Variants in RBKS observed in about 807,000 individuals in gnomAD.
RBKS encodes ribokinase.
A neutral mutation model predicts 33.9 loss-of-function variants in RBKS; 33 were observed. That is an observed-to-expected ratio of 0.97 (90% CI 0.74 to 1.30). The LOEUF (loss-of-function observed/expected upper bound fraction) is 1.30. RBKS is among the 50% of genes most tolerant of loss of function. The probability of loss-of-function intolerance (pLI) is 0.00; values close to 1 mark genes in which losing one functional copy is unlikely to be tolerated. For synonymous variants in RBKS, 125 were observed against 143.0 expected, an observed-to-expected ratio of 0.87 and a Z score of 0.90; for missense variants, 361 against 392.6, an observed-to-expected ratio of 0.92 and a Z score of 0.68.
chr2:27,880,579 A>C (rs948396698), intron 1 of RBKS, among the ~76,000 whole-genome samples: 2 of 152,232 alleles, frequency 1.3e-5, no homozygotes, highest in African/African-American at 4.8e-5. Flanking sequence ...CTCAGGATAC[A>C]AAATCAAGAT....
chr2:27,811,837 T>C (rs1403183376), intron 7 of RBKS, among the ~76,000 whole-genome samples: 1 of 152,044 alleles, frequency 6.6e-6, no homozygotes, highest in East Asian at 1.9e-4. Flanking sequence ...TTAATGGCCA[T>C]GTTTGGACAA....
intron 1 of RBKS, among the ~76,000 whole-genome samples, chr2:27,879,510 C>A (rs1288417252): frequency 1.3e-5 from 2 of 152,096 alleles, no homozygotes; most frequent in Non-Finnish European, 2.9e-5. Flanking sequence ...TTACCTCTCT[C>A]TCTTCCCCTC....
chr2:27,824,711 T>G (rs985464138), intron 7 of RBKS, among the ~76,000 whole-genome samples: 1 of 152,248 alleles, frequency 6.6e-6, no homozygotes, highest in Non-Finnish European at 1.5e-5. Flanking sequence ...TGGACACATG[T>G]AAGGCTTAAG....
chr2:27,835,460 C>G (rs1446933668), intron 5 of RBKS, among the ~76,000 whole-genome samples: 2 of 129,988 alleles, frequency 1.5e-5, no homozygotes, highest in Admixed American at 8.1e-5. Context: ...GCTCTGTCAC[C>G]CAGGCTGGAG....
At chr2:27,883,594 C>T (rs984906924) in intron 1 of RBKS, among the ~76,000 whole-genome samples, 1 of 152,296 alleles carries the variant, frequency 6.6e-6, no homozygotes, top group South Asian at 2.1e-4. Flanking sequence ...ATCACAAAGT[C>T]CACCTTACTT....
At chr2:27,808,660 C>A (rs1451007997) in intron 7 of RBKS, among the ~76,000 whole-genome samples, 1 of 152,220 alleles carries the variant, frequency 6.6e-6, no homozygotes, top group East Asian at 1.9e-4. Flanking sequence ...TCTCAGGGTC[C>A]ATTCTCAGCT....
At chr2:27,825,303 A>G (rs1271437180) in intron 7 of RBKS, among the ~76,000 whole-genome samples, 2 of 152,192 alleles carry the variant, frequency 1.3e-5, no homozygotes, top group African/African-American at 4.8e-5. Context: ...TAGAATTAGC[A>G]TTTACATTGT....
intron 5 of RBKS, 66 bp downstream of exon 5, chr2:27,843,001 A>G (rs1663542046): frequency 8.1e-7 from 1 of 1,230,904 alleles, no homozygotes; most frequent in Admixed American, 2.6e-5. Flanking sequence ...TTAACTTAAA[A>G]GGTTAACTTT....
chr2:27,782,652 A>G (rs1677311107), intron 7 of RBKS: 2 of 464,722 alleles, frequency 4.3e-6, no homozygotes, highest in Middle Eastern at 6.6e-4. Flanking sequence ...TATGATCAAC[A>G]TGACTTCTTA....
At chr2:27,858,414 C>A in intron 2 of RBKS, 25 bp downstream of exon 2, 3 of 1,577,528 alleles carry the variant, frequency 1.9e-6, no homozygotes, top group Non-Finnish European at 2.6e-6. Context: ...CCTCTAGAGT[C>A]CTCTCCACTA....
chr2:27,881,060 AACC>A (rs1664407540), intron 1 of RBKS, among the ~76,000 whole-genome samples: 3 of 147,566 alleles, frequency 2.0e-5, no homozygotes, highest in Non-Finnish European at 4.4e-5. Flanking sequence ...CAAACCAACC[AACC>A]AACAAACAAA....
chr2:27,844,263 G>GAAAAAAAAAAAAAAAAA (rs1348408045), intron 4 of RBKS, among the ~76,000 whole-genome samples: 1 of 84,132 alleles, frequency 1.2e-5, no homozygotes. Context: ...CTCTGTCTCA[G>GAAAAAAAAAAAAAAAAA]AAAAAAAAAA....
intron 4 of RBKS, among the ~76,000 whole-genome samples, chr2:27,845,506 G>A (rs1432104360): frequency 6.6e-6 from 1 of 150,744 alleles, no homozygotes; most frequent in East Asian, 2.0e-4. Flanking sequence ...AGATAAGAAA[G>A]AGAACTTGAG....
In RBKS at chr2:27,818,948, G is replaced by C. The variant is rs1678148375; in HGVS notation, c.795+8619C>G. Among the ~76,000 whole-genome samples the C allele has an allele frequency of 3.9e-5, 6 of 152,116 alleles. No individual in the cohort carries two copies. The South Asian group carries it at 1.2e-3, about 32-fold the overall frequency. On this transcript the variant is annotated intron_variant, in intron 7 of 7. Transcript: ENST00000302188. ...AGCTAAACCATATGCAAAAACCCCTGAGATATTTCACCAAAAAGATGATTT... is the reference window on the plus strand; with the variant it reads ...AGCTAAACCATATGCAAAAACCCCTCAGATATTTCACCAAAAAGATGATTT...
intron 1 of RBKS, among the ~76,000 whole-genome samples, chr2:27,873,589 C>T (rs888070685): frequency 3.9e-5 from 6 of 152,248 alleles, no homozygotes; most frequent in Admixed American, 3.3e-4. Flanking sequence ...GTTTGTATTT[C>T]TCACTTCAAA....
chr2:27,783,936 A>G (rs1573028684), intron 7 of RBKS, among the ~76,000 whole-genome samples: 1 of 148,426 alleles, frequency 6.7e-6, no homozygotes, highest in Non-Finnish European at 1.5e-5. Context: ...AAAAAAAAGA[A>G]AAACCATTCT....
chr2:27,849,597 A>G (rs74347176), intron 2 of RBKS, among the ~76,000 whole-genome samples: 1 of 151,186 alleles, frequency 6.6e-6, no homozygotes, highest in Non-Finnish European at 1.5e-5. Context: ...GAAAAAGAAA[A>G]AAAGAAAAAA....
In RBKS at chr2:27,876,947, T is replaced by C. The variant is rs79340954; in HGVS notation, c.89+13310A>G. ...GGAAATCGGTCCTTACTAGCACTTTTGAACACTTTGTCTCTTGCAAATCCA... is the reference window on the plus strand; with the variant it reads ...GGAAATCGGTCCTTACTAGCACTTTCGAACACTTTGTCTCTTGCAAATCCA... On this transcript the variant is annotated intron_variant, in intron 1 of 7. Coordinates refer to ENST00000302188, the MANE Select transcript of RBKS (RefSeq NM_022128.3). Among the ~76,000 whole-genome samples, 720 of 152,294 alleles carry C rather than the reference T, an allele frequency of 4.7e-3. 10 individuals carry two copies. The highest frequency in any genetic ancestry group is 0.016 in the African/African-American group (680 of 41,560).
chr2:27,871,626 T>C (rs1473970011), intron 1 of RBKS, among the ~76,000 whole-genome samples: 1 of 152,060 alleles, frequency 6.6e-6, no homozygotes, highest in Non-Finnish European at 1.5e-5. Context: ...GAAAGAGGCA[T>C]GGTAAATAAA....
Sources: allele counts gnomAD v4.1 joint callset (sites outside exome capture counted in the v4.1 genomes callset), GRCh38; gene constraint gnomAD v4.1.1; transcripts MANE v1.5; gene names NCBI Gene and HGNC (gene_info 2026-07-23, HGNC 2026-07-21).